Variants in CNTNAP2 observed in about 807,000 individuals in gnomAD.
The protein encoded by CNTNAP2 is contactin-associated protein-like 2.
CNTNAP2 carries 98 observed loss-of-function variants against 155.2 expected under a neutral mutation model. The ratio of observed to expected loss-of-function variants is 0.63; its 90% CI spans 0.54 to 0.75. CNTNAP2 has a LOEUF of 0.75. Among genes scored for constraint, CNTNAP2 ranks in the 30% least tolerant of loss-of-function variants. The pLI, the probability that CNTNAP2 is intolerant of heterozygous loss-of-function variation, is 0.00. For synonymous variants in CNTNAP2, 651 were observed against 631.2 expected, an observed-to-expected ratio of 1.03 and a Z score of -0.47; for missense variants, 1,727 against 1,688.1, an observed-to-expected ratio of 1.02 and a Z score of -0.40.
chr7:146,314,160 A>G (rs1052856675), intron 1 of CNTNAP2, among the ~76,000 whole-genome samples: 1 of 152,192 alleles, frequency 6.6e-6, no homozygotes, highest in African/African-American at 2.4e-5. Context: ...TTTGAAAGAA[A>G]TCAATTGATC....
chr7:147,296,223 G>A (rs1335118581), intron 8 of CNTNAP2, among the ~76,000 whole-genome samples: 1 of 152,190 alleles, frequency 6.6e-6, no homozygotes, highest in East Asian at 1.9e-4. Flanking sequence ...TTCATAGCAG[G>A]GTTTGTCAAA....
chr7:146,823,993 C>T (rs1328241914), intron 2 of CNTNAP2, among the ~76,000 whole-genome samples: 2 of 151,658 alleles, frequency 1.3e-5, no homozygotes, highest in Admixed American at 1.3e-4. Context: ...GGGTTTTAAG[C>T]CCCACATGCA....
intron 15 of CNTNAP2, among the ~76,000 whole-genome samples, chr7:148,012,166 C>T (rs867044536): frequency 1.3e-5 from 2 of 152,218 alleles, no homozygotes; most frequent in African/African-American, 4.8e-5. Flanking sequence ...GATCTTCCCC[C>T]CTCAGTCTCC....
chr7:147,325,814 C>T (rs1450162814), intron 9 of CNTNAP2, among the ~76,000 whole-genome samples: 2 of 152,190 alleles, frequency 1.3e-5, no homozygotes, highest in African/African-American at 2.4e-5. Flanking sequence ...TGACCATCAT[C>T]ACTATTGGTG....
At chr7:147,340,778 T>C (rs1036639813) in intron 9 of CNTNAP2, among the ~76,000 whole-genome samples, 3 of 152,094 alleles carry the variant, frequency 2.0e-5, no homozygotes, top group Non-Finnish European at 2.9e-5. Flanking sequence ...TTTTCAACAC[T>C]CTCTCCACAT....
chr7:146,694,111 G>A (rs1229920488), intron 1 of CNTNAP2, among the ~76,000 whole-genome samples: 1 of 152,088 alleles, frequency 6.6e-6, no homozygotes, highest in African/African-American at 2.4e-5. Flanking sequence ...CATTGTTTAA[G>A]AATATAATTG....
chr7:147,865,940 T>G (rs1176342185), intron 13 of CNTNAP2, among the ~76,000 whole-genome samples: 1 of 152,194 alleles, frequency 6.6e-6, no homozygotes, highest in Non-Finnish European at 1.5e-5. Flanking sequence ...TGCTCTGATC[T>G]TAGTTATTTC....
intron 15 of CNTNAP2, among the ~76,000 whole-genome samples, chr7:148,098,184 G>A (rs1345267376): frequency 2.6e-5 from 4 of 152,010 alleles, no homozygotes; most frequent in East Asian, 1.9e-4. Flanking sequence ...AGTGGCTCAC[G>A]CCTGTAGTCC....
At chr7:146,520,812 C>T (rs549381611) in intron 1 of CNTNAP2, among the ~76,000 whole-genome samples, 1 of 151,860 alleles carries the variant, frequency 6.6e-6, no homozygotes, top group Admixed American at 6.6e-5. Context: ...TCCTGGATGT[C>T]TCCAGAAATG....
In CNTNAP2 at chr7:146,306,313, A is replaced by T. The variant is rs184148286; in HGVS notation, c.97+189340A>T. On this transcript the variant is annotated intron_variant, in intron 1 of 23. Transcript: ENST00000361727. ...TGGACTCAGAGCTGAATTCTACCAGAGGGACAAAGAGGAGCTGGTACCATT... is the reference window on the plus strand; with the variant it reads ...TGGACTCAGAGCTGAATTCTACCAGTGGGACAAAGAGGAGCTGGTACCATT... 1.1e-3 allele frequency among the ~76,000 whole-genome samples: 175 copies of T among 152,288 alleles called. 1 individual carries two copies. The highest frequency in any genetic ancestry group is 3.7e-3 in the South Asian group (18 of 4,818).
chr7:147,998,632 AGAAGGCTTG>A (rs1801848694), intron 15 of CNTNAP2, among the ~76,000 whole-genome samples: 1 of 152,246 alleles, frequency 6.6e-6, no homozygotes, highest in Non-Finnish European at 1.5e-5. Flanking sequence ...TGGAGTGGGT[AGAAGGCTTG>A]AGCTGGAGAA....
chr7:146,184,426 G>A (rs1166111992), intron 1 of CNTNAP2, among the ~76,000 whole-genome samples: 1 of 152,158 alleles, frequency 6.6e-6, no homozygotes, highest in Non-Finnish European at 1.5e-5. Flanking sequence ...CCTAAACACT[G>A]AAGCCTACTG....
chr7:146,743,288 A>T (rs1321071851), intron 1 of CNTNAP2, among the ~76,000 whole-genome samples: 1 of 152,136 alleles, frequency 6.6e-6, no homozygotes, highest in Non-Finnish European at 1.5e-5. Flanking sequence ...AAGGGACTTG[A>T]AAAGGTGGTG....
intron 1 of CNTNAP2, among the ~76,000 whole-genome samples, chr7:146,469,300 T>C (rs1226955765): frequency 6.6e-6 from 1 of 151,596 alleles, no homozygotes; most frequent in Non-Finnish European, 1.5e-5. Context: ...CAAAGCAAAC[T>C]CCAGTAGCCA....
intron 5 of CNTNAP2, among the ~76,000 whole-genome samples, chr7:147,116,210 T>C (rs1800986735): frequency 6.6e-6 from 1 of 152,172 alleles, no homozygotes; most frequent in Admixed American, 6.5e-5. Flanking sequence ...AGTTCCATGC[T>C]AGGGATAACT....
rs1343864059 is a variant in CNTNAP2 at position 148,061,898 on chromosome 7, GATAGATAGATAGATAAACAGAT to G, written c.2384-56204_2384-56183del. On this transcript the variant is annotated intron_variant, in intron 15 of 23. Transcript: ENST00000361727. ...ACAGATATAGATAGATAGATAGATA[GATAGATAGATAGATAAACAGAT>G]ATAGATAGATAGATAGATAGATAGA... Among the ~76,000 whole-genome samples, 272 of 123,308 alleles carry G rather than the reference GATAGATAGATAGATAAACAGAT, an allele frequency of 2.2e-3. 2 individuals are homozygous for G. The highest frequency in any genetic ancestry group is 4.9e-3 in the African/African-American group (160 of 32,578). 80.9% of individuals were successfully genotyped at this position (123,308 alleles called of 152,430 possible).
At chr7:146,308,226 A>C (rs1800751689) in intron 1 of CNTNAP2, among the ~76,000 whole-genome samples, 1 of 152,220 alleles carries the variant, frequency 6.6e-6, no homozygotes, top group Non-Finnish European at 1.5e-5. Context: ...CACATGAAAA[A>C]ATGCTCATCA....
At chr7:147,774,338 T>C (rs1427247963) in intron 13 of CNTNAP2, among the ~76,000 whole-genome samples, 2 of 152,076 alleles carry the variant, frequency 1.3e-5, no homozygotes, top group Non-Finnish European at 2.9e-5. Context: ...AATAAGAAAT[T>C]CCATGGAGAA....
chr7:146,558,845 A>G (rs1474582802), intron 1 of CNTNAP2, among the ~76,000 whole-genome samples: 1 of 152,212 alleles, frequency 6.6e-6, no homozygotes, highest in Non-Finnish European at 1.5e-5. Flanking sequence ...AAGTGGTACC[A>G]TGTAGTATTT....
Sources: allele counts gnomAD v4.1 joint callset (sites outside exome capture counted in the v4.1 genomes callset), GRCh38; gene constraint gnomAD v4.1.1; transcripts MANE v1.5; gene names NCBI Gene and HGNC (gene_info 2026-07-23, HGNC 2026-07-21).